TMPRSS12: variants seen among roughly 807,000 people sequenced by gnomAD.
TMPRSS12 encodes transmembrane serine protease 12.
TMPRSS12 carries 25 observed loss-of-function variants against 26.0 expected under a neutral mutation model. That is an observed-to-expected ratio of 0.96 (90% confidence interval 0.70 to 1.34). The LOEUF is 1.34. Ranked by LOEUF, TMPRSS12 falls within the 40% of genes most tolerant of loss-of-function variation. The pLI is 0.00. For missense variants in TMPRSS12, 441 were observed against 440.1 expected (o/e 1.00, Z -0.02); for synonymous variants, 150 against 161.7 (o/e 0.93, Z 0.55).
chr12:50,847,258 C>T (rs1357496058), intron 2 of TMPRSS12, among the ~76,000 whole-genome samples: 1 of 151,708 alleles, frequency 6.6e-6, no homozygotes, highest in Non-Finnish European at 1.5e-5. Context: ...GGGGTTTCAC[C>T]GTGTTAGCCA....
chr12:50,882,585 C>G (rs567610454), intron 3 of TMPRSS12, among the ~76,000 whole-genome samples: 1 of 42,704 alleles, frequency 2.3e-5, no homozygotes, highest in African/African-American at 8.0e-5. Context: ...TAACATATAG[C>G]ACAGTACTTT....
At chr12:50,873,143 T>A (rs1938082776) in intron 3 of TMPRSS12, among the ~76,000 whole-genome samples, 1 of 150,306 alleles carries the variant, frequency 6.7e-6, no homozygotes, top group African/African-American at 2.5e-5. Flanking sequence ...ACTATGAGGA[T>A]GCAAAGGCAT....
In TMPRSS12 at chr12:50,887,268, A is replaced by T; in HGVS notation, c.802A>T (p.Ser268Cys). The change falls in exon 5 of 5, where the codon AGT (serine) becomes TGT (cysteine). Residue 268 changes from serine (S) to cysteine (C), a missense_variant. Transcript: ENST00000398458. ...TTTGGGACTTTTTTGACAGGGTGACAGTGGGGGACCATTAATGTGCTACTT... is the reference window on the plus strand; with the variant it reads ...TTTGGGACTTTTTTGACAGGGTGACTGTGGGGGACCATTAATGTGCTACTT... ...DGAFDTCRGD[S>C]GGPLMCYLPE... is the part of the protein sequence containing the mutation. The T allele has an allele frequency of 6.2e-7, 1 of 1,613,228 alleles. No individual in the cohort carries two copies. Among genetic ancestry groups the T allele is most frequent in the Non-Finnish European group, 8.5e-7 (1 of 1,179,504 alleles).
chr12:50,879,242 T>C (rs1381692662), intron 3 of TMPRSS12, among the ~76,000 whole-genome samples: 2 of 152,190 alleles, frequency 1.3e-5, no homozygotes, highest in Non-Finnish European at 2.9e-5. Context: ...CCTTGAGTCA[T>C]TGGATTAGGC....
At chr12:50,868,443 A>G (rs1158975976) in intron 3 of TMPRSS12, among the ~76,000 whole-genome samples, 1 of 152,222 alleles carries the variant, frequency 6.6e-6, no homozygotes. Context: ...CAACAGGAAA[A>G]TAACACAATC....
chr12:50,883,436 C>T (rs536640049), intron 3 of TMPRSS12, among the ~76,000 whole-genome samples: 2 of 152,270 alleles, frequency 1.3e-5, no homozygotes, highest in East Asian at 1.9e-4. Context: ...ACCTGTAATT[C>T]GAACACTTTG....
chr12:50,885,726 G>A, intron 4 of TMPRSS12: 1 of 516,200 alleles, frequency 1.9e-6, no homozygotes, highest in African/African-American at 2.0e-5. Flanking sequence ...CACAATCTCT[G>A]TTCACTGCAA....
chr12:50,858,594 ATT>A lies in TMPRSS12; in HGVS notation c.384-188_384-187del, dbSNP rs1160930091. On this transcript the variant is annotated intron_variant, in intron 2 of 4. Coordinates refer to ENST00000398458, the MANE Select transcript of TMPRSS12 (RefSeq NM_182559.3). The stretch of plus-strand genomic sequence containing the variant: ...CTCATGTACTTGAATCAGTTTCTGG[ATT>A]TTCTGTCCCATTGGTCTTTTTCTCC... Among the ~76,000 whole-genome samples the A allele has an allele frequency of 2.0e-5, 3 of 152,072 alleles. No homozygotes were observed. In the East Asian group the frequency reaches 5.8e-4, roughly 29 times the overall value.
At chr12:50,866,245 T>C (rs568240986) in intron 3 of TMPRSS12, among the ~76,000 whole-genome samples, 3 of 152,240 alleles carry the variant, frequency 2.0e-5, no homozygotes, top group South Asian at 2.1e-4. Context: ...GGGCAAGTTC[T>C]CAGCCCTGCT....
Position 50,887,387 on chromosome 12 carries a change from C to A in TMPRSS12, c.921C>A (p.Ser307=). 1 of 1,613,916 alleles carries A rather than the reference C, an allele frequency of 6.2e-7. No individual in the cohort carries two copies. The highest frequency in any genetic ancestry group is 8.5e-7 in the Non-Finnish European group (1 of 1,179,864). ...TTCCTGGTGTCTATATTGGGCCATC[C>A]TTCTACCAAAAGTGGCTGACAGAGC... ...RGFPGVYIGP[S]FYQKWLTEHF... is the part of the protein sequence containing the mutation. The change falls in exon 5 of 5, where the codon TCC becomes TCA. Residue 307 remains serine (S), a synonymous_variant. Coordinates refer to ENST00000398458, the MANE Select transcript of TMPRSS12 (RefSeq NM_182559.3).
intron 3 of TMPRSS12, among the ~76,000 whole-genome samples, chr12:50,862,766 A>C (rs1436400724): frequency 6.6e-6 from 1 of 151,966 alleles, no homozygotes; most frequent in Non-Finnish European, 1.5e-5. Context: ...GCCTCAAGTC[A>C]TCTGCCCACC....
chr12:50,869,715 A>G (rs1006578067), intron 3 of TMPRSS12, among the ~76,000 whole-genome samples: 6 of 152,188 alleles, frequency 3.9e-5, no homozygotes, highest in African/African-American at 1.4e-4. Flanking sequence ...ACTACAGACC[A>G]CTATTCCTGA....
intron 3 of TMPRSS12, among the ~76,000 whole-genome samples, chr12:50,859,505 C>T (rs936244893): frequency 2.0e-5 from 3 of 151,880 alleles, no homozygotes; most frequent in Admixed American, 1.3e-4. Context: ...CATGAGCCAC[C>T]GCACCTGGCA....
In TMPRSS12 at chr12:50,843,968, A is replaced by G. The variant is rs757943899; in HGVS notation, c.314A>G (p.His105Arg). Residue 105 changes from histidine (H) to arginine (R), a missense_variant, in exon 2 of 5, where the codon CAT becomes CGT. Physicochemically the swap from His to Arg is conservative, Grantham distance 29. Transcript: ENST00000398458. Reference protein sequence around the residue: ...LQIKYGRVLVHVCGGTLVRER... With the variant: ...LQIKYGRVLVRVCGGTLVRER... The stretch of plus-strand genomic sequence containing the variant: ...ATTAAATATGGCCGTGTTCTTGTTC[A>G]TGTATGTGGGGGAACCCTAGTGAGA... 2.5e-6 allele frequency: 4 copies of G among 1,607,568 alleles called. No individual in the cohort carries two copies. The highest frequency in any genetic ancestry group is 1.7e-5 in the Admixed American group (1 of 59,010).
chr12:50,851,509 A>G (rs1289057838), intron 2 of TMPRSS12, among the ~76,000 whole-genome samples: 2 of 152,212 alleles, frequency 1.3e-5, no homozygotes, highest in Non-Finnish European at 2.9e-5. Context: ...AAATAAAGAA[A>G]AAAGAATAAA....
chr12:50,844,099 C>T (rs1937745662), intron 2 of TMPRSS12, 62 bp downstream of exon 2: 1 of 1,398,120 alleles, frequency 7.2e-7, no homozygotes, highest in African/African-American at 1.5e-5. Flanking sequence ...TGATAGAGGA[C>T]CATTTAACTT....
chr12:50,872,596 GTATATGTACATATATATGACGTA>G lies in TMPRSS12; in HGVS notation c.653-12623_653-12601del, dbSNP rs1413899264. Among the ~76,000 whole-genome samples the G allele has an allele frequency of 1.5e-3, 136 of 90,822 alleles. 12 individuals are homozygous for G. Among genetic ancestry groups the G allele is most frequent in the South Asian group, 9.8e-3 (25 of 2,564 alleles). The allele number at this position is 90,822 out of a possible 152,430, so 59.6% of individuals were successfully genotyped here. The stretch of plus-strand genomic sequence containing the variant: ...CCATATATATGTACATATATATGAC[GTATATGTACATATATATGACGTA>G]TATATGTACATATATATGACGTATA... On this transcript the variant is annotated intron_variant, in intron 3 of 4. Coordinates refer to ENST00000398458, the MANE Select transcript of TMPRSS12 (RefSeq NM_182559.3).
At chr12:50,871,107 A>G (rs894047634) in intron 3 of TMPRSS12, among the ~76,000 whole-genome samples, 1 of 152,220 alleles carries the variant, frequency 6.6e-6, no homozygotes, top group African/African-American at 2.4e-5. Flanking sequence ...TCTAAAATTC[A>G]TATGGAACCA....
intron 3 of TMPRSS12, among the ~76,000 whole-genome samples, chr12:50,867,246 T>C (rs1937999648): frequency 6.6e-6 from 1 of 151,800 alleles, no homozygotes; most frequent in African/African-American, 2.4e-5. Flanking sequence ...GTACAAGAAG[T>C]GGAGGGAGAA....
Sources: gnomAD v4.1 joint callset for allele counts (sites outside exome capture counted in the v4.1 genomes callset) on GRCh38, gnomAD v4.1.1 for gene constraint, MANE v1.5 for transcripts, NCBI Gene and HGNC (gene_info 2026-07-23, HGNC 2026-07-21) for gene names.